Variants in RNGTT observed in about 807,000 individuals in gnomAD.
RNGTT encodes RNA guanylyltransferase and 5'-phosphatase.
Under a neutral mutation model 79.3 loss-of-function variants are expected in RNGTT, and 33 were observed. The observed-to-expected ratio is 0.42, with a 90% CI of 0.32 to 0.56. The LOEUF is 0.56. Among genes scored for constraint, RNGTT ranks in the 20% least tolerant of loss-of-function variants. The pLI is 0.17. For synonymous variants in RNGTT, 222 were observed against 235.9 expected (o/e 0.94, Z 0.54); for missense variants, 497 against 739.1 (o/e 0.67, Z 3.80).
chr6:88,674,056 G>A lies in RNGTT; in HGVS notation c.1506+4297C>T, dbSNP rs1219173584. ...CTTGCCAATTCCCCTCATGTTACAG[G>A]GATATTAAAAATGGAAGACAAAAAT... On this transcript the variant is annotated intron_variant, in intron 14 of 15. Transcript: ENST00000369485. Among the ~76,000 whole-genome samples, 4 of 151,974 alleles carry A rather than the reference G, an allele frequency of 2.6e-5. No homozygotes were observed. The East Asian group carries it at 7.7e-4, about 29-fold the overall frequency.
At chr6:88,701,128 G>A (rs1365758020) in intron 13 of RNGTT, among the ~76,000 whole-genome samples, 1 of 151,956 alleles carries the variant, frequency 6.6e-6, no homozygotes, top group Non-Finnish European at 1.5e-5. Context: ...AAGAGAAGAA[G>A]AAGAAAGAAT....
rs79488860 is a variant in RNGTT at position 88,929,269 on chromosome 6, T to TAAA, written c.175-5_175-3dup. The TAAA allele has an allele frequency of 3.0e-5, 41 of 1,352,720 alleles. No homozygotes were observed. The highest frequency in any genetic ancestry group is 1.1e-4 in the South Asian group (8 of 76,028). 83.8% of individuals were successfully genotyped at this position (1,352,720 alleles called of 1,614,324 possible). ...GTCCACCAACAAGCCCATTTTAACCTAAAAAAAAAAAAAAATGAAAGGGCA... is the reference window on the plus strand; with the variant it reads ...GTCCACCAACAAGCCCATTTTAACCTAAAAAAAAAAAAAAAAAATGAAAGGGCA... On this transcript the variant is annotated splice_polypyrimidine_tract_variant and splice_region_variant and intron_variant, in intron 2 of 15. Coordinates refer to ENST00000369485, the MANE Select transcript of RNGTT (RefSeq NM_003800.5).
intron 8 of RNGTT, among the ~76,000 whole-genome samples, chr6:88,855,287 AATAGTGG>A (rs1455883909): frequency 6.6e-6 from 1 of 152,238 alleles, no homozygotes; most frequent in Admixed American, 6.5e-5. Context: ...AAGCTAATAT[AATAGTGG>A]ATAACTGGCT....
intron 12 of RNGTT, among the ~76,000 whole-genome samples, chr6:88,776,296 A>C (rs895597189): frequency 5.3e-5 from 8 of 150,588 alleles, no homozygotes; most frequent in African/African-American, 2.0e-4. Context: ...GGTGATGTTG[A>C]GCACCTTTTC....
At chr6:88,935,548 T>TA (rs36015928) in intron 2 of RNGTT, among the ~76,000 whole-genome samples, 1 of 152,162 alleles carries the variant, frequency 6.6e-6, no homozygotes, top group Non-Finnish European at 1.5e-5. Context: ...ACCCCATCTT[T>TA]AAAAAAAGTT....
intron 14 of RNGTT, among the ~76,000 whole-genome samples, chr6:88,677,675 C>G (rs1301063666): frequency 6.6e-6 from 1 of 152,014 alleles, no homozygotes; most frequent in African/African-American, 2.4e-5. Context: ...GTTGCCCAGG[C>G]TAGTCTCGAA....
intron 2 of RNGTT, among the ~76,000 whole-genome samples, chr6:88,933,325 T>C (rs1272476984): frequency 6.6e-6 from 1 of 152,164 alleles, no homozygotes; most frequent in Non-Finnish European, 1.5e-5. Flanking sequence ...CTAACAACAG[T>C]CACCTTACCC....
intron 13 of RNGTT, among the ~76,000 whole-genome samples, chr6:88,724,711 T>C (rs1457472828): frequency 6.6e-6 from 1 of 152,206 alleles, no homozygotes; most frequent in Non-Finnish European, 1.5e-5. Context: ...TTTCAAAGAA[T>C]CAATATGTCA....
chr6:88,943,117 T>C (rs867537641), intron 1 of RNGTT, among the ~76,000 whole-genome samples: 6 of 152,308 alleles, frequency 3.9e-5, no homozygotes, highest in Middle Eastern at 3.4e-3. Flanking sequence ...ATCAATGTGC[T>C]AATGACTTAC....
chr6:88,626,496 G>C (rs926980693), intron 14 of RNGTT, among the ~76,000 whole-genome samples: 1 of 151,992 alleles, frequency 6.6e-6, no homozygotes, highest in Admixed American at 6.6e-5. Flanking sequence ...CTAAAGGTGG[G>C]AGACAAAGTG....
chr6:88,958,168 A>C (rs1261242905), intron 1 of RNGTT, among the ~76,000 whole-genome samples: 1 of 152,186 alleles, frequency 6.6e-6, no homozygotes, highest in Non-Finnish European at 1.5e-5. Context: ...GATAACTAAC[A>C]AGCTACGCGT....
intron 4 of RNGTT, among the ~76,000 whole-genome samples, chr6:88,926,000 A>G (rs1235968433): frequency 1.3e-5 from 2 of 152,234 alleles, no homozygotes; most frequent in South Asian, 2.1e-4. Context: ...TGATACAGGC[A>G]GTCCAGGAGC....
At chr6:88,697,382 T>A (rs1000716524) in intron 13 of RNGTT, among the ~76,000 whole-genome samples, 3 of 151,652 alleles carry the variant, frequency 2.0e-5, no homozygotes, top group African/African-American at 7.3e-5. Flanking sequence ...AAACCCTGTC[T>A]CTACTAAAAA....
Position 88,676,518 on chromosome 6 carries a change from G to C in RNGTT, c.1506+1835C>G, listed in dbSNP as rs529596151. On this transcript the variant is annotated intron_variant, in intron 14 of 15. Coordinates refer to ENST00000369485, the MANE Select transcript of RNGTT (RefSeq NM_003800.5). ...ATACGAGAAAAATCTTTGTGACTTT[G>C]GGTTAGGAAAATATTTCTTAGATAC... is the stretch of plus-strand genomic sequence containing the variant. 4.6e-5 allele frequency among the ~76,000 whole-genome samples: 7 copies of C among 152,228 alleles called. No individual in the cohort carries two copies. The East Asian group carries it at 1.2e-3, about 25-fold the overall frequency.
intron 14 of RNGTT, among the ~76,000 whole-genome samples, chr6:88,663,573 C>T (rs1403726539): frequency 6.6e-6 from 1 of 152,158 alleles, no homozygotes; most frequent in African/African-American, 2.4e-5. Flanking sequence ...TTCTGTCCGA[C>T]CCCACATCAG....
At chr6:88,648,817 C>T (rs770800150) in intron 14 of RNGTT, among the ~76,000 whole-genome samples, 2 of 152,214 alleles carry the variant, frequency 1.3e-5, no homozygotes, top group Non-Finnish European at 2.9e-5. Flanking sequence ...TTCTAGGCAT[C>T]TGACACATCA....
At chr6:88,678,257 C>T (rs199948113) in intron 14 of RNGTT, 96 bp downstream of exon 14, 1,668 of 1,496,394 alleles carry the variant, frequency 1.1e-3, no homozygotes, top group Non-Finnish European at 1.2e-3. Flanking sequence ...TGCTGGAACA[C>T]GATATTTTTA....
At chr6:88,710,126 A>AG (rs1374903927) in intron 13 of RNGTT, among the ~76,000 whole-genome samples, 1 of 152,216 alleles carries the variant, frequency 6.6e-6, no homozygotes, top group Non-Finnish European at 1.5e-5. Flanking sequence ...TGGGTGCAGT[A>AG]GAGTGCACCT....
In RNGTT at chr6:88,849,596, A is replaced by G. The variant is rs149896088; in HGVS notation, c.1104+159T>C. ...TGTGAAAATTAACAATAAGAGAAAG[A>G]AAAGGAGATATAAAAGGATTAAAAA... On this transcript the variant is annotated intron_variant, in intron 10 of 15. Coordinates refer to ENST00000369485, the MANE Select transcript of RNGTT (RefSeq NM_003800.5). Among the ~76,000 whole-genome samples, 883 of 152,118 alleles carry G rather than the reference A, an allele frequency of 5.8e-3. 15 individuals are homozygous for G. Among genetic ancestry groups the G allele is most frequent in the African/African-American group, 0.019 (801 of 41,566 alleles).
Sources: allele counts gnomAD v4.1 joint callset (sites outside exome capture counted in the v4.1 genomes callset), GRCh38; gene constraint gnomAD v4.1.1; transcripts MANE v1.5; gene names NCBI Gene and HGNC (gene_info 2026-07-23, HGNC 2026-07-21).